Variants in PDE7B observed in about 807,000 individuals in gnomAD.
The protein encoded by PDE7B is 3',5'-cyclic-AMP phosphodiesterase 7B.
Under a neutral mutation model 56.2 loss-of-function variants are expected in PDE7B, and 29 were observed. The ratio of observed to expected loss-of-function variants is 0.52; its 90% CI spans 0.38 to 0.70. The LOEUF (loss-of-function observed/expected upper bound fraction) is 0.70. Among genes scored for constraint, PDE7B ranks in the 30% least tolerant of loss-of-function variants. The pLI is 0.00. For synonymous variants in PDE7B, 197 were observed against 196.9 expected, an observed-to-expected ratio of 1.00 and a Z score of 0.00; for missense variants, 490 against 565.0, an observed-to-expected ratio of 0.87 and a Z score of 1.35.
chr6:135,851,986 C>CCATTTAACCA lies in PDE7B; in HGVS notation c.-11_-10insTTTAACCACA. The CCATTTAACCA allele has an allele frequency of 6.2e-7, 1 of 1,605,580 alleles. No individual in the cohort carries two copies. The highest frequency in any genetic ancestry group is 1.1e-5 in the South Asian group (1 of 90,904). On this transcript the variant is annotated 5_prime_UTR_variant, in exon 1 of 13. Coordinates refer to ENST00000308191, the MANE Select transcript of PDE7B (RefSeq NM_018945.4). ...ACGGCATTCAAAGGTCACAGAACTG[C>CCATTTAACCA]CACTATGGTTAAATGTCTTGTTTAA...
intron 1 of PDE7B, among the ~76,000 whole-genome samples, chr6:135,889,994 C>G (rs570754310): frequency 6.6e-6 from 1 of 152,030 alleles, no homozygotes. Context: ...CTCAGGTTAT[C>G]CGCCCACCTC....
Position 135,895,369 on chromosome 6 carries a change from C to T in PDE7B, c.21+43350C>T, listed in dbSNP as rs1181115898. ...TCTAACACGCCAAATGAAATCACTG[C>T]CAAGTGTGAGATACTGTGATAACCT... On this transcript the variant is annotated intron_variant, in intron 1 of 12. Transcript: ENST00000308191. Among the ~76,000 whole-genome samples, 3 of 152,148 alleles carry T rather than the reference C, an allele frequency of 2.0e-5. No homozygotes were observed. In the East Asian group the frequency reaches 5.8e-4, roughly 29 times the overall value.
chr6:136,157,856 A>T (rs527309647), intron 8 of PDE7B, among the ~76,000 whole-genome samples: 4 of 152,246 alleles, frequency 2.6e-5, no homozygotes, highest in Non-Finnish European at 5.9e-5. Flanking sequence ...ACTCCAGAAT[A>T]ACTGAAAATG....
chr6:136,076,577 T>A (rs1304551619), intron 2 of PDE7B, among the ~76,000 whole-genome samples: 1 of 152,094 alleles, frequency 6.6e-6, no homozygotes, highest in African/African-American at 2.4e-5. Context: ...ACTGGGAGAA[T>A]GCTCAAAATA....
intron 12 of PDE7B, among the ~76,000 whole-genome samples, chr6:136,191,337 T>C (rs1779221222): frequency 6.6e-6 from 1 of 152,176 alleles, no homozygotes; most frequent in Admixed American, 6.5e-5. Context: ...ACATTTGCCA[T>C]TTCTCCTCAC....
intron 8 of PDE7B, among the ~76,000 whole-genome samples, chr6:136,168,540 A>C (rs1190268014): frequency 6.6e-6 from 1 of 152,180 alleles, no homozygotes. Context: ...AGAATGTAAA[A>C]AATTTTGTCA....
intron 1 of PDE7B, among the ~76,000 whole-genome samples, chr6:135,909,954 T>A (rs1361912178): frequency 6.6e-6 from 1 of 152,194 alleles, no homozygotes; most frequent in Non-Finnish European, 1.5e-5. Flanking sequence ...AGCCAGCTAG[T>A]CTTGTAATGG....
chr6:136,037,448 G>A (rs1776342262), intron 2 of PDE7B: 1 of 985,416 alleles, frequency 1.0e-6, no homozygotes, highest in Non-Finnish European at 1.2e-6. Flanking sequence ...ACACAAGGGG[G>A]AGGGATGTGG....
chr6:135,992,001 G>A (rs562410142), intron 2 of PDE7B: 1 of 152,282 alleles, frequency 6.6e-6, no homozygotes, highest in African/African-American at 2.4e-5. Context: ...TGAAATATAT[G>A]TTAATCAAAT....
intron 2 of PDE7B, among the ~76,000 whole-genome samples, chr6:135,950,137 A>G (rs1278693777): frequency 6.6e-6 from 1 of 152,136 alleles, no homozygotes; most frequent in African/African-American, 2.4e-5. Context: ...ATGATAAAAG[A>G]AAGAAGTAAA....
intron 2 of PDE7B, among the ~76,000 whole-genome samples, chr6:135,960,008 A>G (rs777456730): frequency 6.6e-6 from 1 of 152,152 alleles, no homozygotes; most frequent in Non-Finnish European, 1.5e-5. Context: ...TCCTGGGCTC[A>G]AGTGATTCTC....
chr6:135,935,190 T>TTTTATATA (rs1436649469), intron 1 of PDE7B, among the ~76,000 whole-genome samples: 6 of 36,188 alleles, frequency 1.7e-4, no homozygotes, highest in African/African-American at 4.8e-4. Flanking sequence ...ATATATTTAT[T>TTTTATATA]TATATATATA....
rs1779148077 is a variant in PDE7B, at chr6:136,186,525, T to C, written c.1046-511T>C. On this transcript the variant is annotated intron_variant, in intron 11 of 12. Transcript: ENST00000308191. ...AAGGAATCAGAATGGGAGATTCTGATTAATTTTGTGGTTACAGAGTGAGGT... is the reference window on the plus strand; with the variant it reads ...AAGGAATCAGAATGGGAGATTCTGACTAATTTTGTGGTTACAGAGTGAGGT... 3.3e-5 allele frequency among the ~76,000 whole-genome samples: 5 copies of C among 152,194 alleles called. No homozygotes were observed. In the South Asian group the frequency reaches 8.3e-4, roughly 25 times the overall value.
chr6:135,888,101 C>T (rs1438891018), intron 1 of PDE7B, among the ~76,000 whole-genome samples: 4 of 152,162 alleles, frequency 2.6e-5, no homozygotes. Context: ...TGAACTACTG[C>T]ATTGAGTGCT....
At chr6:136,184,913 G>C (rs974030188) in intron 11 of PDE7B, among the ~76,000 whole-genome samples, 1 of 152,162 alleles carries the variant, frequency 6.6e-6, no homozygotes, top group African/African-American at 2.4e-5. Context: ...GAAGAAACAA[G>C]CAGGGACCCT....
At chr6:136,064,184 T>A (rs181978854) in intron 2 of PDE7B, among the ~76,000 whole-genome samples, 2 of 152,308 alleles carry the variant, frequency 1.3e-5, no homozygotes, top group East Asian at 3.9e-4. Context: ...AAAATTTCTC[T>A]GAGAGTGCAG....
At chr6:135,998,857 G>C (rs1775615207) in intron 2 of PDE7B, among the ~76,000 whole-genome samples, 1 of 151,946 alleles carries the variant, frequency 6.6e-6, no homozygotes, top group African/African-American at 2.4e-5. Context: ...CTTAAATAGT[G>C]AAAGAAAGAA....
chr6:136,173,113 A>G (rs1778919900), intron 8 of PDE7B, among the ~76,000 whole-genome samples: 1 of 152,216 alleles, frequency 6.6e-6, no homozygotes. Context: ...CATCCCCATC[A>G]AACTACCAAT....
Position 136,036,534 on chromosome 6 carries a change from G to C in PDE7B, c.83-72197G>C, listed in dbSNP as rs550323504. Reference sequence around the variant, plus strand: ...TAAACTTATTAACCATGGATTTAGAGAAATAATAAAACAACAATAAAATTA... The same window carrying C: ...TAAACTTATTAACCATGGATTTAGACAAATAATAAAACAACAATAAAATTA... On this transcript the variant is annotated intron_variant, in intron 2 of 12. Transcript: ENST00000308191. 1.8e-4 allele frequency among the ~76,000 whole-genome samples: 28 copies of C among 152,224 alleles called. No individual in the cohort carries two copies. In the South Asian group the frequency reaches 5.8e-3, roughly 32 times the overall value.
Sources: allele counts gnomAD v4.1 joint callset (sites outside exome capture counted in the v4.1 genomes callset), GRCh38; gene constraint gnomAD v4.1.1; transcripts MANE v1.5; gene names NCBI Gene and HGNC (gene_info 2026-07-23, HGNC 2026-07-21).